Variants in KCNT2 observed in about 807,000 individuals in gnomAD.
KCNT2 encodes potassium sodium-activated channel subfamily T member 2, also known as potassium channel subfamily T member 2.
Under a neutral mutation model 153.8 loss-of-function variants are expected in KCNT2, and 67 were observed. That is an observed-to-expected ratio of 0.44 (90% CI 0.36 to 0.53). The LOEUF (loss-of-function observed/expected upper bound fraction) is 0.53. KCNT2 is among the 20% of genes least tolerant of loss of function. The pLI is 0.00. For missense variants in KCNT2, 975 were observed against 1,354.8 expected, an observed-to-expected ratio of 0.72 and a Z score of 4.40; for synonymous variants, 500 against 458.8, an observed-to-expected ratio of 1.09 and a Z score of -1.15.
At chr1:196,439,850 G>A (rs937494536) in intron 8 of KCNT2, among the ~76,000 whole-genome samples, 2 of 151,804 alleles carry the variant, frequency 1.3e-5, no homozygotes, top group Admixed American at 6.6e-5. Context: ...AATAACACAT[G>A]GACACTGGGA....
chr1:196,246,324 A>G (rs575451293), intron 26 of KCNT2, among the ~76,000 whole-genome samples: 1 of 152,324 alleles, frequency 6.6e-6, no homozygotes, highest in African/African-American at 2.4e-5. Context: ...TCCCAGTCAG[A>G]CAAATCTGAG....
At chr1:196,241,288 T>A (rs79663932) in intron 26 of KCNT2, among the ~76,000 whole-genome samples, 2,153 of 152,212 alleles carry the variant, frequency 0.014, 30 homozygotes, top group Non-Finnish European at 0.02. Flanking sequence ...ACATAGTTGG[T>A]AATAGCATAA....
chr1:196,512,852 T>C (rs1424742724), intron 1 of KCNT2, among the ~76,000 whole-genome samples: 1 of 152,174 alleles, frequency 6.6e-6, no homozygotes, highest in Non-Finnish European at 1.5e-5. Context: ...TTGAAAGTAC[T>C]GTGATGTGCA....
chr1:196,299,308 C>T (rs904587887), intron 22 of KCNT2, among the ~76,000 whole-genome samples: 7 of 151,432 alleles, frequency 4.6e-5, no homozygotes, highest in Admixed American at 1.3e-4. Context: ...TGAAAAGTAT[C>T]GCTGACAAAA....
In KCNT2 at chr1:196,333,983, T is replaced by C. The variant is rs779855875; in HGVS notation, c.1861A>G (p.Ser621Gly). ...GPTLSLPTEG[S>G]KEIRRPSIAP... ...ATGCTAGGTCTTCTTATTTCTTTGCTTCCCTCTGTAGGAAGAGACAGGGTA... is the reference window on the plus strand; with the variant it reads ...ATGCTAGGTCTTCTTATTTCTTTGCCTCCCTCTGTAGGAAGAGACAGGGTA... The change falls in exon 17 of 28, where the codon AGC (serine) becomes GGC (glycine). Residue 621 changes from serine (S) to glycine (G), a missense_variant. By Grantham distance (56) the Ser-to-Gly change is moderately conservative (BLOSUM62 0). Around this residue, in one of 6 missense-constraint regions of KCNT2, gnomAD observed 325 missense variants for 388.1 expected, o/e 0.84. Transcript: ENST00000294725. The C allele has an allele frequency of 2.5e-5, 40 of 1,613,194 alleles. No individual in the cohort carries two copies. Among genetic ancestry groups the C allele is most frequent in the Non-Finnish European group, 3.2e-5 (38 of 1,179,646 alleles).
intron 13 of KCNT2, among the ~76,000 whole-genome samples, chr1:196,385,520 A>C (rs1669894971): frequency 6.6e-6 from 1 of 152,110 alleles, no homozygotes; most frequent in South Asian, 2.1e-4. Flanking sequence ...GAATATAAAA[A>C]ATCCCTATAA....
At chr1:196,578,329 T>G (rs904536802) in intron 1 of KCNT2, among the ~76,000 whole-genome samples, 1 of 152,122 alleles carries the variant, frequency 6.6e-6, no homozygotes, top group Non-Finnish European at 1.5e-5. Flanking sequence ...CCTCAGTACC[T>G]GGAAAGACAA....
intron 26 of KCNT2, among the ~76,000 whole-genome samples, chr1:196,256,797 C>T (rs1406350959): frequency 6.6e-6 from 1 of 151,052 alleles, no homozygotes; most frequent in Non-Finnish European, 1.5e-5. Context: ...AAAGCAATTC[C>T]ATCTTGAATA....
chr1:196,426,781 T>C lies in KCNT2; in HGVS notation c.985-793A>G, dbSNP rs140074152. On this transcript the variant is annotated intron_variant, in intron 10 of 27. Coordinates refer to ENST00000294725, the MANE Select transcript of KCNT2 (RefSeq NM_198503.5). ...TCATGTTAAATTATAATTCCAAATG[T>C]TAAGAGAGGGGCCTGATGGGAGATG... Among the ~76,000 whole-genome samples, 816 of 151,990 alleles carry C rather than the reference T, an allele frequency of 5.4e-3. 20 individuals carry two copies. Among genetic ancestry groups the C allele is most frequent in the South Asian group, 0.034 (162 of 4,810 alleles).
At chr1:196,569,899 G>T (rs2148947113) in intron 1 of KCNT2, among the ~76,000 whole-genome samples, 1 of 152,040 alleles carries the variant, frequency 6.6e-6, no homozygotes, top group South Asian at 2.1e-4. Context: ...CTTTTGTTTT[G>T]ATTATGAGGT....
chr1:196,320,138 A>T (rs1201749365), intron 19 of KCNT2, among the ~76,000 whole-genome samples: 1 of 151,620 alleles, frequency 6.6e-6, no homozygotes, highest in East Asian at 1.9e-4. Context: ...TTATTGATAT[A>T]CTCTCTATAT....
At chr1:196,511,534 A>T (rs371736353) in intron 1 of KCNT2, among the ~76,000 whole-genome samples, 1 of 152,158 alleles carries the variant, frequency 6.6e-6, no homozygotes. Context: ...GAGACTTATA[A>T]TTAGTTTGCT....
chr1:196,279,807 G>A (rs904851165), intron 25 of KCNT2, among the ~76,000 whole-genome samples: 4 of 151,108 alleles, frequency 2.6e-5, no homozygotes, highest in African/African-American at 9.7e-5. Context: ...ATTTTCTGCT[G>A]GTAACTTATA....
At chr1:196,518,500 A>T (rs960722485) in intron 1 of KCNT2, among the ~76,000 whole-genome samples, 2 of 150,244 alleles carry the variant, frequency 1.3e-5, no homozygotes, top group Non-Finnish European at 3.0e-5. Context: ...AAAAAAAGCA[A>T]GATCCAATGG....
At chr1:196,475,433 C>A (rs1393935211) in intron 5 of KCNT2, among the ~76,000 whole-genome samples, 1 of 152,002 alleles carries the variant, frequency 6.6e-6, no homozygotes, top group Non-Finnish European at 1.5e-5. Flanking sequence ...GCCTAAGCAA[C>A]ATAGCAAAAC....
At chr1:196,256,627 T>A (rs1656529297) in intron 26 of KCNT2, among the ~76,000 whole-genome samples, 1 of 151,532 alleles carries the variant, frequency 6.6e-6, no homozygotes, top group African/African-American at 2.4e-5. Flanking sequence ...CTTTAGACAA[T>A]ATAAAAATAA....
At position 196,258,327 on chromosome 1, in the gene KCNT2, T is replaced by C. The variant is rs541339628; in HGVS notation, c.3078A>G (p.Pro1026=). 5 of 1,614,058 alleles carry C rather than the reference T, an allele frequency of 3.1e-6. No individual in the cohort carries two copies. The East Asian group carries it at 6.7e-5, about 22-fold the overall frequency. ...QWARRLSRKG[P]KHSGKTAEKI... ...TTTCAGCTGTTTTACCAGAGTGTTT[T>C]GGGCCTTTTCTGCTCAGTCTTCGGG... The change falls in exon 26 of 28, where the codon CCA becomes CCG. Residue 1026 remains proline, a synonymous_variant. Coordinates refer to ENST00000294725, the MANE Select transcript of KCNT2 (RefSeq NM_198503.5).
At chr1:196,244,093 A>G (rs1655206214) in intron 26 of KCNT2, among the ~76,000 whole-genome samples, 1 of 152,126 alleles carries the variant, frequency 6.6e-6, no homozygotes, top group Non-Finnish European at 1.5e-5. Flanking sequence ...ACCCTCGGCC[A>G]GAAGGGAACC....
chr1:196,316,990 G>T (rs980216508), intron 20 of KCNT2, among the ~76,000 whole-genome samples: 5 of 151,684 alleles, frequency 3.3e-5, no homozygotes, highest in African/African-American at 1.2e-4. Context: ...ATAATAGGAT[G>T]TTTAAAGCTT....
Sources: allele counts gnomAD v4.1 joint callset (sites outside exome capture counted in the v4.1 genomes callset), GRCh38; gene constraint gnomAD v4.1.1; regional missense constraint gnomAD v4.1.1; transcripts MANE v1.5; gene names NCBI Gene and HGNC (gene_info 2026-07-23, HGNC 2026-07-21).